Variants in C1orf21 observed in about 807,000 individuals in gnomAD.
C1orf21 encodes chromosome 1 open reading frame 21.
A neutral mutation model predicts 18.7 loss-of-function variants in C1orf21; 3 were observed. That is an observed-to-expected ratio of 0.16 (90% CI 0.07 to 0.42). C1orf21 has a LOEUF of 0.42. Among genes scored for constraint, C1orf21 ranks in the 10% least tolerant of loss-of-function variants. C1orf21 has a pLI of 0.99. For missense variants in C1orf21, 104 were observed against 143.6 expected, an observed-to-expected ratio of 0.72 and a Z score of 1.41; for synonymous variants, 41 against 46.4, an observed-to-expected ratio of 0.88 and a Z score of 0.47.
chr1:184,402,881 C>CAAATATTAAGTGTTTGGA (rs1656186159), intron 1 of C1orf21, among the ~76,000 whole-genome samples: 1 of 152,130 alleles, frequency 6.6e-6, no homozygotes, highest in Non-Finnish European at 1.5e-5. Context: ...AGGCACAGGG[C>CAAATATTAAGTGTTTGGA]AAAGGAAAGA....
intron 5 of C1orf21, among the ~76,000 whole-genome samples, chr1:184,608,474 C>T (rs770256519): frequency 4.6e-5 from 7 of 152,212 alleles, no homozygotes; most frequent in Non-Finnish European, 1.0e-4. Context: ...TTAGATTTCA[C>T]TTGAAATCAC....
At chr1:184,448,303 C>T (rs185151690) in intron 1 of C1orf21, among the ~76,000 whole-genome samples, 218 of 152,282 alleles carry the variant, frequency 1.4e-3, no homozygotes, top group Admixed American at 3.9e-3. Context: ...AGGCTGGTCT[C>T]GAACTCATGA....
intron 1 of C1orf21, among the ~76,000 whole-genome samples, chr1:184,455,681 T>G (rs1483479921): frequency 6.6e-6 from 1 of 152,182 alleles, no homozygotes; most frequent in Non-Finnish European, 1.5e-5. Context: ...CTTCATTCCT[T>G]GTTCCCATCA....
At position 184,560,229 on chromosome 1, in the gene C1orf21, G is replaced by A. The variant is rs982892130; in HGVS notation, c.190-30510G>A. On this transcript the variant is annotated intron_variant, in intron 3 of 5. Transcript: ENST00000235307. ...GCTTAGTTGAAGAGATTAAAAAAAA[G>A]GATATGTTTGCCTAAGACATAATAG... 1.2e-4 allele frequency among the ~76,000 whole-genome samples: 18 copies of A among 152,234 alleles called. No homozygotes were observed. In the East Asian group the frequency reaches 3.5e-3, roughly 29 times the overall value.
chr1:184,523,683 ATGTAAATTCTC>A (rs1339965843), intron 3 of C1orf21, among the ~76,000 whole-genome samples: 1 of 152,218 alleles, frequency 6.6e-6, no homozygotes, highest in Non-Finnish European at 1.5e-5. Context: ...TATGGGGTAT[ATGTAAATTCTC>A]TGTACTATCC....
At chr1:184,446,325 C>A (rs1657029531) in intron 1 of C1orf21, among the ~76,000 whole-genome samples, 2 of 152,032 alleles carry the variant, frequency 1.3e-5, no homozygotes, top group Non-Finnish European at 2.9e-5. Context: ...TTTTCCTATT[C>A]TTCAGCCTCA....
At chr1:184,512,290 C>T (rs1043855165) in intron 3 of C1orf21, among the ~76,000 whole-genome samples, 4 of 152,146 alleles carry the variant, frequency 2.6e-5, no homozygotes, top group Admixed American at 2.6e-4. Context: ...AATATGTGTT[C>T]CTCTTTTGGA....
chr1:184,593,634 G>T (rs1659475324), intron 4 of C1orf21, among the ~76,000 whole-genome samples: 1 of 92,604 alleles, frequency 1.1e-5, no homozygotes, highest in Non-Finnish European at 2.1e-5. Context: ...GAAAGATCCT[G>T]TCTTGAGCTG....
chr1:184,414,526 T>C (rs1393875567), intron 1 of C1orf21, among the ~76,000 whole-genome samples: 1 of 152,144 alleles, frequency 6.6e-6, no homozygotes, highest in East Asian at 1.9e-4. Context: ...TTGGTCTTAC[T>C]GTGAGAATTA....
At chr1:184,404,242 CTTG>C (rs1345725839) in intron 1 of C1orf21, among the ~76,000 whole-genome samples, 2 of 152,126 alleles carry the variant, frequency 1.3e-5, no homozygotes, top group African/African-American at 4.8e-5. Context: ...TCCAGAGTAT[CTTG>C]TTAAGAACTT....
intron 3 of C1orf21, among the ~76,000 whole-genome samples, chr1:184,573,176 T>C (rs377714652): frequency 6.6e-6 from 1 of 152,222 alleles, no homozygotes; most frequent in East Asian, 1.9e-4. Flanking sequence ...ACCCTGAGAA[T>C]ACTCACTGAT....
intron 1 of C1orf21, among the ~76,000 whole-genome samples, chr1:184,437,231 A>T (rs968843893): frequency 1.3e-5 from 2 of 152,078 alleles, no homozygotes; most frequent in Non-Finnish European, 2.9e-5. Flanking sequence ...TCATTTCTGG[A>T]AACAAAATCA....
At chr1:184,425,124 C>T (rs953347923) in intron 1 of C1orf21, among the ~76,000 whole-genome samples, 2 of 152,170 alleles carry the variant, frequency 1.3e-5, no homozygotes, top group Admixed American at 6.5e-5. Flanking sequence ...ACTTCTGGCT[C>T]TATCCCATGT....
chr1:184,465,463 A>T (rs1021814642), intron 1 of C1orf21, among the ~76,000 whole-genome samples: 59 of 152,344 alleles, frequency 3.9e-4, no homozygotes, highest in African/African-American at 1.4e-3. Context: ...CCAGAAAATG[A>T]TCTACAAATT....
intron 3 of C1orf21, among the ~76,000 whole-genome samples, chr1:184,569,734 G>T (rs1343253258): frequency 6.6e-6 from 1 of 152,198 alleles, no homozygotes; most frequent in Admixed American, 6.5e-5. Flanking sequence ...AAGACAGAAT[G>T]ATGATAGAAA....
chr1:184,424,178 CA>C, intron 1 of C1orf21, among the ~76,000 whole-genome samples: 1 of 152,148 alleles, frequency 6.6e-6, no homozygotes, highest in South Asian at 2.1e-4. Context: ...ATCATTTTTA[CA>C]AACCGTATCA....
At chr1:184,479,610 G>A (rs1460520135) in intron 2 of C1orf21, among the ~76,000 whole-genome samples, 1 of 135,358 alleles carries the variant, frequency 7.4e-6, no homozygotes, top group African/African-American at 2.7e-5. Flanking sequence ...GCCTCCCATA[G>A]GTCTTTTTTT....
chr1:184,433,409 T>C (rs1051857429), intron 1 of C1orf21, among the ~76,000 whole-genome samples: 5 of 152,136 alleles, frequency 3.3e-5, no homozygotes, highest in Admixed American at 6.6e-5. Context: ...CCTGTCTTTG[T>C]AAAGTGCAGA....
chr1:184,609,208 A>G (rs559475916), intron 5 of C1orf21, among the ~76,000 whole-genome samples: 37 of 152,322 alleles, frequency 2.4e-4, no homozygotes, highest in African/African-American at 8.2e-4. Context: ...ATGTGACTGG[A>G]TGAGTCAGTC....
Sources: allele counts gnomAD v4.1 joint callset (sites outside exome capture counted in the v4.1 genomes callset), GRCh38; gene constraint gnomAD v4.1.1; transcripts MANE v1.5; gene names NCBI Gene and HGNC (gene_info 2026-07-23, HGNC 2026-07-21).